The following FYB2 variants were observed in gnomAD, a reference collection of about 807,000 sequenced individuals.
FYB2 encodes the protein FYN-binding protein 2.
Under a neutral mutation model 94.1 loss-of-function variants are expected in FYB2, and 103 were observed. That is an observed-to-expected ratio of 1.09 (90% confidence interval 0.93 to 1.29). The LOEUF is 1.29. Among genes scored for constraint, FYB2 ranks in the 50% most tolerant of loss-of-function variants. FYB2 has a pLI of 0.00. For synonymous variants in FYB2, 293 were observed against 287.9 expected (o/e 1.02, Z -0.18); for missense variants, 896 against 841.5 (o/e 1.06, Z -0.80).
At chr1:56,779,004 C>G (rs2100884068) in intron 4 of FYB2, among the ~76,000 whole-genome samples, 1 of 152,102 alleles carries the variant, frequency 6.6e-6, no homozygotes, top group South Asian at 2.1e-4. Context: ...ATGACACACA[C>G]AAGAAAATAT....
At chr1:56,799,976 T>G (rs367758743) in intron 1 of FYB2, among the ~76,000 whole-genome samples, 2 of 152,228 alleles carry the variant, frequency 1.3e-5, no homozygotes, top group Non-Finnish European at 2.9e-5. Context: ...CTATGCACAT[T>G]TCCTAATTGG....
chr1:56,731,422 C>T (rs1185750617), intron 15 of FYB2, among the ~76,000 whole-genome samples: 1 of 152,074 alleles, frequency 6.6e-6, no homozygotes, highest in African/African-American at 2.4e-5. Context: ...TCAAGCAATC[C>T]TCCCACTTCT....
In FYB2 at chr1:56,719,690, TG is replaced by T. The variant is rs1644448242; in HGVS notation, c.2167del (p.His723IlefsTer26). On this transcript the variant is annotated frameshift_variant and splice_region_variant, in exon 20 of 20. Transcript: ENST00000343433. LOFTEE classifies it high-confidence loss of function. ...YVLIEHLDFK[H>X]QSWSP ...ATTTTTCTAAGGTGACCAACTTTGA[TG>T]CCTGTGAAAAAATAAAAATATGCAA... 4 of 1,592,366 alleles carry T rather than the reference TG, an allele frequency of 2.5e-6. No homozygotes were observed. The highest frequency in any genetic ancestry group is 3.4e-5 in the Admixed American group (2 of 58,948).
At chr1:56,820,716 C>T (rs1646981765), upstream of FYB2, among the ~76,000 whole-genome samples, 1 of 152,144 alleles carries the variant, frequency 6.6e-6, no homozygotes, top group South Asian at 2.1e-4. Flanking sequence ...TGCTTCTGGC[C>T]CAGGGACTGG....
intron 4 of FYB2, among the ~76,000 whole-genome samples, chr1:56,774,727 G>A (rs1027950774): frequency 6.6e-6 from 1 of 152,090 alleles, no homozygotes; most frequent in African/African-American, 2.4e-5. Flanking sequence ...GTGTGTCTGT[G>A]AGGGTATTAC....
chr1:56,741,289 A>G (rs920663634), intron 12 of FYB2, among the ~76,000 whole-genome samples: 8 of 152,118 alleles, frequency 5.3e-5, no homozygotes, highest in African/African-American at 1.7e-4. Context: ...AAACTACTGC[A>G]AGTAATCTCT....
intron 12 of FYB2, 33 bp from the exon 13 acceptor site, chr1:56,740,828 C>T: frequency 7.1e-7 from 1 of 1,414,632 alleles, no homozygotes; most frequent in Non-Finnish European, 9.8e-7. Flanking sequence ...AGTAACATGG[C>T]ATTTAAGAGA....
rs1169551926 is a variant in FYB2 at position 56,791,933 on chromosome 1, TG to T, written c.757+122del. ...TAGCAGATGGGCCTAGAATATCACG[TG>T]GAGAGTCTGGAGCCACATTTCCCAG... On this transcript the variant is annotated intron_variant, in intron 2 of 19. Coordinates refer to ENST00000343433, the MANE Select transcript of FYB2 (RefSeq NM_001004303.5). 8 of 1,349,208 alleles carry T rather than the reference TG, an allele frequency of 5.9e-6. No individual in the cohort carries two copies. The African/African-American group carries it at 1.2e-4, about 20-fold the overall frequency. The allele number at this position is 1,349,208 out of a possible 1,614,324, so 83.6% of individuals were successfully genotyped here.
At chr1:56,761,938 G>T (rs1359095098) in intron 5 of FYB2, 1 of 151,834 alleles carries the variant, frequency 6.6e-6, no homozygotes, top group South Asian at 2.1e-4. Flanking sequence ...GTTTATTTTC[G>T]TTTACCTATG....
chr1:56,762,269 G>A (rs924212437), intron 5 of FYB2, among the ~76,000 whole-genome samples: 1 of 152,014 alleles, frequency 6.6e-6, no homozygotes, highest in Non-Finnish European at 1.5e-5. Flanking sequence ...ATCCTACTGG[G>A]ATTTTTATAG....
intron 4 of FYB2, among the ~76,000 whole-genome samples, chr1:56,772,359 G>GCTGGGATTAT (rs1645778065): frequency 6.6e-6 from 1 of 152,116 alleles, no homozygotes; most frequent in African/African-American, 2.4e-5. Flanking sequence ...GAGAATCAGT[G>GCTGGGATTAT]CTGGGATTAT....
intron 5 of FYB2, among the ~76,000 whole-genome samples, chr1:56,760,563 A>G (rs1223458864): frequency 6.6e-6 from 1 of 152,154 alleles, no homozygotes; most frequent in Non-Finnish European, 1.5e-5. Flanking sequence ...CATTCCTGAT[A>G]TGAATTTGCT....
chr1:56,744,239 G>A lies in FYB2; in HGVS notation c.1415C>T (p.Thr472Ile). Residue 472 changes from threonine (T) to isoleucine (I), a missense_variant, in exon 10 of 20, where the codon ACT becomes ATT. Physicochemically the swap from Thr to Ile is moderately conservative, Grantham distance 89 (BLOSUM62 -1). Coordinates refer to ENST00000343433, the MANE Select transcript of FYB2 (RefSeq NM_001004303.5). ...HCGHLEVLESTKETPDLGVSK... is the reference protein window; with the variant it reads ...HCGHLEVLESIKETPDLGVSK... ...GACCCCTAGGTCTGGAGTTTCTTTA[G>A]TTGACTCCAAAACCTCCAGATGCCC... 3.1e-6 allele frequency: 5 copies of A among 1,611,998 alleles called. No homozygotes were observed. Among genetic ancestry groups the A allele is most frequent in the Non-Finnish European group, 2.5e-6 (3 of 1,179,168 alleles).
At position 56,719,577 on chromosome 1, in the gene FYB2, T is replaced by C; in HGVS notation, c.*94A>G. ...TTCCACAGATTCCACCATCTCAAAA[T>C]TTTGACATGTAAACTGAAACTGATG... On this transcript the variant is annotated 3_prime_UTR_variant, in exon 20 of 20. Transcript: ENST00000343433. 8.8e-7 allele frequency: 1 copy of C among 1,139,332 alleles called. No homozygotes were observed. 70.6% of individuals were successfully genotyped at this position (1,139,332 alleles called of 1,614,324 possible). A position where few individuals can be genotyped will look rare whatever the true frequency, so the allele number is the denominator to read the frequency against.
chr1:56,767,059 TA>T (rs2100807167), intron 5 of FYB2, among the ~76,000 whole-genome samples: 1 of 152,304 alleles, frequency 6.6e-6, no homozygotes, highest in Non-Finnish European at 1.5e-5. Context: ...TATCAAACAT[TA>T]GGGGTGATCA....
intron 1 of FYB2, among the ~76,000 whole-genome samples, chr1:56,799,914 G>A (rs1291367994): frequency 6.6e-6 from 1 of 152,188 alleles, no homozygotes; most frequent in Non-Finnish European, 1.5e-5. Context: ...GTGAGTGAAT[G>A]CGGTCATAAA....
chr1:56,785,760 C>G (rs1646120397), intron 4 of FYB2, among the ~76,000 whole-genome samples: 1 of 152,196 alleles, frequency 6.6e-6, no homozygotes, highest in Non-Finnish European at 1.5e-5. Flanking sequence ...TAGAGTGTCC[C>G]TTCCCATGCT....
At chr1:56,748,555 G>T (rs1277788510) in intron 9 of FYB2, among the ~76,000 whole-genome samples, 1 of 151,908 alleles carries the variant, frequency 6.6e-6, no homozygotes, top group Non-Finnish European at 1.5e-5. Context: ...TCATATGGTT[G>T]TACATGTGTG....
intron 1 of FYB2, among the ~76,000 whole-genome samples, chr1:56,800,460 T>C (rs1323074775): frequency 6.6e-6 from 1 of 152,094 alleles, no homozygotes; most frequent in Non-Finnish European, 1.5e-5. Context: ...AAAAGCTTCC[T>C]ATGTAAAGGC....
Sources: gnomAD v4.1 joint callset for allele counts (sites outside exome capture counted in the v4.1 genomes callset) on GRCh38, gnomAD v4.1.1 for gene constraint, MANE v1.5 for transcripts, NCBI Gene and HGNC (gene_info 2026-07-23, HGNC 2026-07-21) for gene names.